The following CACNA1C variants were observed in gnomAD, a reference collection of about 807,000 sequenced individuals.
CACNA1C encodes calcium voltage-gated channel subunit alpha1 C.
CACNA1C carries 30 observed loss-of-function variants against 229.0 expected under a neutral mutation model. The ratio of observed to expected loss-of-function variants is 0.13; its 90% CI spans 0.10 to 0.18. CACNA1C has a LOEUF of 0.18. Among genes scored for constraint, CACNA1C ranks in the 10% least tolerant of loss-of-function variants. The pLI is 1.00. For synonymous variants in CACNA1C, 1,114 were observed against 1,132.5 expected (o/e 0.98, Z 0.33); for missense variants, 1,658 against 2,845.0 (o/e 0.58, Z 9.49).
chr12:2,001,476 A>C (rs541637566), intron 1 of CACNA1C, among the ~76,000 whole-genome samples: 1 of 152,356 alleles, frequency 6.6e-6, no homozygotes, highest in African/African-American at 2.4e-5. Context: ...GGAATATAAA[A>C]TAGTGCTGTT....
intron 1 of CACNA1C, among the ~76,000 whole-genome samples, chr12:2,019,487 G>A (rs937050060): frequency 1.0e-5 from 1 of 100,328 alleles, no homozygotes; most frequent in East Asian, 3.4e-4. Flanking sequence ...AGAAAGAAAA[G>A]AAAGGGAGGG....
intron 3 of CACNA1C, among the ~76,000 whole-genome samples, chr12:2,291,131 T>C (rs2093455825): frequency 6.6e-6 from 1 of 152,204 alleles, no homozygotes; most frequent in South Asian, 2.1e-4. Flanking sequence ...GGATTGAAAG[T>C]AGGTAAAGCA....
At chr12:2,565,390 C>A (rs2050133742) in intron 11 of CACNA1C, among the ~76,000 whole-genome samples, 1 of 151,118 alleles carries the variant, frequency 6.6e-6, no homozygotes, top group African/African-American at 2.4e-5. Flanking sequence ...TGGCGTGAAC[C>A]CGGGAAGCGG....
intron 3 of CACNA1C, among the ~76,000 whole-genome samples, chr12:2,359,539 T>C (rs2097495928): frequency 9.8e-6 from 1 of 101,600 alleles, no homozygotes; most frequent in African/African-American, 4.6e-5. Flanking sequence ...TGGAGCAGGA[T>C]TTTTTTTTTT....
intron 1 of CACNA1C, among the ~76,000 whole-genome samples, chr12:2,059,826 C>T (rs2154515285): frequency 6.6e-6 from 1 of 152,296 alleles, no homozygotes; most frequent in South Asian, 2.1e-4. Context: ...CTTCATCCTC[C>T]TGCCTGTACC....
intron 3 of CACNA1C, among the ~76,000 whole-genome samples, chr12:2,394,588 C>G (rs554217588): frequency 6.6e-6 from 1 of 152,250 alleles, no homozygotes; most frequent in South Asian, 2.1e-4. Flanking sequence ...GACTGTAAAA[C>G]CCTGGATGGG....
At chr12:2,521,492 C>G (rs531668904) in intron 9 of CACNA1C, among the ~76,000 whole-genome samples, 2 of 152,154 alleles carry the variant, frequency 1.3e-5, no homozygotes, top group East Asian at 1.9e-4. Flanking sequence ...CATGAAGGCC[C>G]TCTTCCTCTC....
intron 10 of CACNA1C, chr12:2,550,588 G>C (rs757999094): frequency 3.7e-6 from 5 of 1,351,680 alleles, no homozygotes; most frequent in Admixed American, 1.9e-5. Context: ...CTGTTGCCTT[G>C]GGGTGTCACG....
At chr12:2,637,391 G>A (rs375840688) in intron 30 of CACNA1C, among the ~76,000 whole-genome samples, 55 of 152,312 alleles carry the variant, frequency 3.6e-4, no homozygotes, top group African/African-American at 1.1e-3. Flanking sequence ...AGACCTTTTG[G>A]TTAGTCTAAT....
At chr12:2,264,247 AG>A (rs1221698001) in intron 3 of CACNA1C, among the ~76,000 whole-genome samples, 1 of 152,198 alleles carries the variant, frequency 6.6e-6, no homozygotes, top group African/African-American at 2.4e-5. Flanking sequence ...CAAGGGCTCC[AG>A]GGGGCTCTCA....
At chr12:2,190,931 T>G (rs1440517615) in intron 3 of CACNA1C, among the ~76,000 whole-genome samples, 1 of 152,024 alleles carries the variant, frequency 6.6e-6, no homozygotes, top group Non-Finnish European at 1.5e-5. Context: ...GTCGCACCCA[T>G]GTTTTAGGGT....
At chr12:2,282,232 G>C (rs1284944017) in intron 3 of CACNA1C, among the ~76,000 whole-genome samples, 1 of 152,094 alleles carries the variant, frequency 6.6e-6, no homozygotes, top group Admixed American at 6.6e-5. Flanking sequence ...CTGGAATTTG[G>C]GGGACTTCGC....
intron 3 of CACNA1C, among the ~76,000 whole-genome samples, chr12:2,219,641 G>T (rs568420775): frequency 6.6e-6 from 1 of 152,324 alleles, no homozygotes; most frequent in African/African-American, 2.4e-5. Flanking sequence ...CCCGTAACCT[G>T]TGAGGCTTTA....
chr12:2,598,252 G>C (rs2069602721), intron 21 of CACNA1C, among the ~76,000 whole-genome samples: 1 of 152,148 alleles, frequency 6.6e-6, no homozygotes, highest in African/African-American at 2.4e-5. Context: ...CCAGCCCCCA[G>C]CCCTTGCCTG....
chr12:2,641,742 A>G, intron 30 of CACNA1C: 3 of 702,486 alleles, frequency 4.3e-6, no homozygotes, highest in Non-Finnish European at 7.8e-6. Flanking sequence ...TGCAGGTGGA[A>G]TGTTTATTGT....
At chr12:2,213,527 T>C (rs542614458) in intron 3 of CACNA1C, among the ~76,000 whole-genome samples, 71 of 152,208 alleles carry the variant, frequency 4.7e-4, no homozygotes, top group Non-Finnish European at 8.8e-4. Flanking sequence ...TTTTAGGCTT[T>C]GCTAATTCTC....
rs146254884 is a variant in CACNA1C at position 2,481,016 on chromosome 12, G to A, written c.758-5088G>A. Among the ~76,000 whole-genome samples, 176 of 152,292 alleles carry A rather than the reference G, an allele frequency of 1.2e-3. 2 individuals carry two copies. The highest frequency in any genetic ancestry group is 4.1e-3 in the African/African-American group (169 of 41,570). The stretch of plus-strand genomic sequence containing the variant: ...GGGAAGTATGGGTTGAAGATTACAT[G>A]AAAAGAATAGAGTCCTTAAGAGGAG... On this transcript the variant is annotated intron_variant, in intron 5 of 46. Coordinates refer to ENST00000399655, the MANE Select transcript of CACNA1C (RefSeq NM_000719.7).
intron 37 of CACNA1C, 106 bp from the exon 38 acceptor site, chr12:2,668,827 T>C (rs1200147706): frequency 2.7e-6 from 2 of 733,174 alleles, no homozygotes; most frequent in East Asian, 5.0e-5. Context: ...CAACATGAGA[T>C]TTGGGCGAGG....
Position 2,693,666 on chromosome 12 carries a change from ATT to A in CACNA1C, c.*2471_*2472del, listed in dbSNP as rs1352328109. 1 of 152,148 alleles carries A rather than the reference ATT, an allele frequency of 6.6e-6. No individual in the cohort carries two copies. The highest frequency in any genetic ancestry group is 2.4e-5 in the African/African-American group (1 of 41,402). 9.4% of individuals were successfully genotyped at this position (152,148 alleles called of 1,614,324 possible). A position where few individuals can be genotyped will look rare whatever the true frequency, so the allele number is the denominator to read the frequency against. ...GAGCTCACAGTGGGGGTGGGAACAG[ATT>A]TTTGTGGGGGCATCTCTAATGCTCA... On this transcript the variant is annotated 3_prime_UTR_variant, in exon 47 of 47. Transcript: ENST00000399655.
Sources: allele counts gnomAD v4.1 joint callset (sites outside exome capture counted in the v4.1 genomes callset), GRCh38; gene constraint gnomAD v4.1.1; transcripts MANE v1.5; gene names NCBI Gene and HGNC (gene_info 2026-07-23, HGNC 2026-07-21).